The following NUTM2E variants were observed in gnomAD, a reference collection of about 807,000 sequenced individuals.
NUTM2E encodes family with sequence similarity 22, member E.
NUTM2E carries 3 observed loss-of-function variants against 26.1 expected under a neutral mutation model. That is an observed-to-expected ratio of 0.12 (90% confidence interval 0.05 to 0.30). The LOEUF is 0.30. Among genes scored for constraint, NUTM2E ranks in the 10% least tolerant of loss-of-function variants. NUTM2E has a pLI of 1.00. For synonymous variants in NUTM2E, 13 were observed against 157.5 expected (o/e 0.08, Z 6.87); for missense variants, 62 against 381.3 (o/e 0.16, Z 6.97).
chr10:79,832,976 A>G (rs1046713695), intron 1 of NUTM2E, among the ~76,000 whole-genome samples: 9 of 151,664 alleles, frequency 5.9e-5, no homozygotes, highest in African/African-American at 1.9e-4. Context: ...AAGTGTTTGT[A>G]TATGTATCTG....
intron 1 of NUTM2E, among the ~76,000 whole-genome samples, chr10:79,829,641 T>A (rs1209264454): frequency 6.6e-6 from 1 of 151,922 alleles, no homozygotes; most frequent in African/African-American, 2.4e-5. Flanking sequence ...ATTTACTAAA[T>A]GCCAAAGCAG....
chr10:79,846,573 CAT>C (rs1842022770), intron 5 of NUTM2E, among the ~76,000 whole-genome samples: 1 of 38,682 alleles, frequency 2.6e-5, no homozygotes, highest in Non-Finnish European at 5.5e-5. Flanking sequence ...TGGAGACACA[CAT>C]GTTCCACCCA....
At chr10:79,836,528 G>A (rs1459577399) in intron 1 of NUTM2E, among the ~76,000 whole-genome samples, 1 of 151,876 alleles carries the variant, frequency 6.6e-6, no homozygotes, top group Non-Finnish European at 1.5e-5. Flanking sequence ...TATGTTGTGT[G>A]CACTTGTATT....
chr10:79,827,837 A>G (rs1422180118), intron 1 of NUTM2E, among the ~76,000 whole-genome samples: 3 of 99,734 alleles, frequency 3.0e-5, no homozygotes, highest in South Asian at 6.1e-4. Flanking sequence ...GAGTTTTGCT[A>G]TTGTTGCCCA....
intron 1 of NUTM2E, among the ~76,000 whole-genome samples, chr10:79,834,029 C>T (rs569517191): frequency 6.6e-6 from 1 of 151,702 alleles, no homozygotes; most frequent in Non-Finnish European, 1.5e-5. Flanking sequence ...TGCTATGCAG[C>T]CATAAAAAAG....
chr10:79,828,997 TTATAA>T (rs1434927941), intron 1 of NUTM2E, among the ~76,000 whole-genome samples: 1 of 151,844 alleles, frequency 6.6e-6, no homozygotes, highest in South Asian at 2.1e-4. Context: ...GAATAAATAT[TTATAA>T]TATAACTGTT....
intron 1 of NUTM2E, among the ~76,000 whole-genome samples, 140 bp from the exon 2 acceptor site, chr10:79,838,169 G>T (rs1841975483): frequency 6.7e-6 from 1 of 148,824 alleles, no homozygotes; most frequent in Admixed American, 6.8e-5. Context: ...TTTTTATTAT[G>T]TCTTTATTTG....
rs1370035592 is a variant in NUTM2E at position 79,826,935 on chromosome 10, C to T, written c.-3150C>T. The T allele has an allele frequency of 4.0e-5, 6 of 150,244 alleles. No individual in the cohort carries two copies. In the South Asian group the frequency reaches 6.4e-4, roughly 16 times the overall value. The allele number at this position is 150,244 out of a possible 1,614,324, so 9.3% of individuals were successfully genotyped here. ...GTCGGGGTGTCGGCCGGGTTGCTGC[C>T]GGGCACCGTCGAGCGTTAGCCACCC... On this transcript the variant is annotated 5_prime_UTR_variant, in exon 1 of 10. Coordinates refer to ENST00000429984, the MANE Select transcript of NUTM2E (RefSeq NM_001355263.2).
chr10:79,834,445 A>G (rs1293240968), intron 1 of NUTM2E, among the ~76,000 whole-genome samples: 1 of 151,742 alleles, frequency 6.6e-6, no homozygotes, highest in African/African-American at 2.4e-5. Flanking sequence ...TCACACCTAT[A>G]ATCCAAGCAC....
intron 6 of NUTM2E, among the ~76,000 whole-genome samples, chr10:79,847,273 G>A (rs1842027137): frequency 8.6e-6 from 1 of 115,684 alleles, no homozygotes; most frequent in Non-Finnish European, 2.2e-5. Context: ...GGGGAGAAGG[G>A]GCGCTAGTGA....
At chr10:79,838,115 C>G (rs1174208344) in intron 1 of NUTM2E, among the ~76,000 whole-genome samples, 194 bp from the exon 2 acceptor site, 2 of 151,202 alleles carry the variant, frequency 1.3e-5, no homozygotes, top group African/African-American at 2.4e-5. Flanking sequence ...CCCTAGAACC[C>G]CTTTTCTCCA....
chr10:79,832,468 G>A (rs1841933294), intron 1 of NUTM2E, among the ~76,000 whole-genome samples: 1 of 151,744 alleles, frequency 6.6e-6, no homozygotes, highest in African/African-American at 2.4e-5. Context: ...GGGTATTTCA[G>A]TATGAGGCAT....
chr10:79,838,920 G>A lies in NUTM2E; in HGVS notation c.-2309G>A, dbSNP rs1417965016. 7.4e-5 allele frequency among the ~76,000 whole-genome samples: 11 copies of A among 149,132 alleles called. No homozygotes were observed. The highest frequency in any genetic ancestry group is 2.1e-4 in the South Asian group (1 of 4,670). ...GCGGCCGGCCTCGCGCTGGAACCTC[G>A]CCCGCCTCAAGGCTCCTGCGGCGGC... On this transcript the variant is annotated 5_prime_UTR_variant, in exon 3 of 10. Transcript: ENST00000429984.
chr10:79,828,239 CTATG>C (rs1051854317), intron 1 of NUTM2E, among the ~76,000 whole-genome samples: 7 of 151,792 alleles, frequency 4.6e-5, no homozygotes, highest in African/African-American at 1.2e-4. Flanking sequence ...TTTCAGATGA[CTATG>C]TGTGTGAATA....
intron 1 of NUTM2E, among the ~76,000 whole-genome samples, chr10:79,836,942 TCTC>T (rs917097326): frequency 6.6e-6 from 1 of 151,780 alleles, no homozygotes; most frequent in African/African-American, 2.4e-5. Flanking sequence ...AAAAAATGCC[TCTC>T]CTCACAATGA....
chr10:79,839,602 G>A (rs1011978765), intron 3 of NUTM2E, among the ~76,000 whole-genome samples, 26 bp from the exon 4 acceptor site: 8 of 151,702 alleles, frequency 5.3e-5, no homozygotes, highest in African/African-American at 1.7e-4. Flanking sequence ...AACTTTAATC[G>A]TCACATCCTT....
rs1159805672 is a variant in NUTM2E at position 79,847,478 on chromosome 10, G to C, written c.1212-453G>C. On this transcript the variant is annotated intron_variant, in intron 6 of 9. Transcript: ENST00000429984. Reference sequence around the variant, plus strand: ...AGACAGATAGACAGCAGCCTCAGGGGAAAGGAGCCCTGTCCTCTGAGCTCA... The same window carrying C: ...AGACAGATAGACAGCAGCCTCAGGGCAAAGGAGCCCTGTCCTCTGAGCTCA... Among the ~76,000 whole-genome samples the C allele has an allele frequency of 5.5e-5, 3 of 54,750 alleles. 1 individual carries two copies. The highest frequency in any genetic ancestry group is 2.1e-4 in the Admixed American group (1 of 4,746). 35.9% of individuals were successfully genotyped at this position (54,750 alleles called of 152,430 possible). A position where few individuals can be genotyped will look rare whatever the true frequency, so the allele number is the denominator to read the frequency against.
At chr10:79,834,778 T>A (rs1280059287) in intron 1 of NUTM2E, among the ~76,000 whole-genome samples, 1 of 149,586 alleles carries the variant, frequency 6.7e-6, no homozygotes, top group Non-Finnish European at 1.5e-5. Context: ...ATTGAAACTT[T>A]ATGTTTTAGA....
At chr10:79,845,290 G>A (rs1842017087) in intron 5 of NUTM2E, among the ~76,000 whole-genome samples, 2 of 113,454 alleles carry the variant, frequency 1.8e-5, no homozygotes, top group African/African-American at 5.6e-5. Flanking sequence ...GGGCCCAGCA[G>A]GAACCTGGCA....
Sources: gnomAD v4.1 joint callset for allele counts (sites outside exome capture counted in the v4.1 genomes callset) on GRCh38, gnomAD v4.1.1 for gene constraint, MANE v1.5 for transcripts, NCBI Gene and HGNC (gene_info 2026-07-23, HGNC 2026-07-21) for gene names.